GOLGA7B: variants seen among roughly 807,000 people sequenced by gnomAD.
GOLGA7B encodes golgin A7 family member B.
GOLGA7B carries 17 observed loss-of-function variants against 21.5 expected under a neutral mutation model. The ratio of observed to expected loss-of-function variants is 0.79; its 90% CI spans 0.54 to 1.19. GOLGA7B has a LOEUF of 1.19. Ranked by LOEUF, GOLGA7B falls within the 50% of genes most tolerant of loss-of-function variation. GOLGA7B has a pLI of 0.00. For missense variants in GOLGA7B, 169 were observed against 224.4 expected, an observed-to-expected ratio of 0.75 and a Z score of 1.58; for synonymous variants, 87 against 84.0, an observed-to-expected ratio of 1.04 and a Z score of -0.19.
chr10:97,864,615 A>G (rs2049999327), intron 4 of GOLGA7B, among the ~76,000 whole-genome samples: 1 of 152,192 alleles, frequency 6.6e-6, no homozygotes, highest in Non-Finnish European at 1.5e-5. Context: ...CAGCTGGTGA[A>G]TGTGGGAGCC....
intron 1 of GOLGA7B, among the ~76,000 whole-genome samples, chr10:97,855,862 G>A (rs1477591158): frequency 1.3e-5 from 2 of 152,226 alleles, no homozygotes; most frequent in East Asian, 3.9e-4. Context: ...ACTCATATAA[G>A]CCTACAGGAG....
In GOLGA7B at chr10:97,865,826, G is replaced by C; in HGVS notation, c.*126G>C. 2 of 778,966 alleles carry C rather than the reference G, an allele frequency of 2.6e-6. No individual in the cohort carries two copies. Among genetic ancestry groups the C allele is most frequent in the Non-Finnish European group, 3.7e-6 (2 of 537,780 alleles). The allele number at this position is 778,966 out of a possible 1,614,324, so 48.3% of individuals were successfully genotyped here. A position where few individuals can be genotyped will look rare whatever the true frequency, so the allele number is the denominator to read the frequency against. The stretch of plus-strand genomic sequence containing the variant: ...GGGCTCACCCTGCTGCCCGGGGTGG[G>C]AGGGAGGGTGACGGGCCTCATATTT... On this transcript the variant is annotated 3_prime_UTR_variant, in exon 5 of 5. Transcript: ENST00000370602.
intron 1 of GOLGA7B, among the ~76,000 whole-genome samples, chr10:97,856,448 A>G (rs1300398854): frequency 1.3e-5 from 2 of 152,218 alleles, no homozygotes; most frequent in African/African-American, 2.4e-5. Flanking sequence ...TCCATGGTGT[A>G]TATATACCAC....
Position 97,865,610 on chromosome 10 carries a change from G to A in GOLGA7B, c.414G>A (p.Glu138=). Residue 138 remains glutamate, a synonymous_variant, in exon 5 of 5, where the codon GAG becomes GAA. Transcript: ENST00000370602. ...CCCAGATTGAGATCTCCATCTACGAGGACCGGTGCAGCAGTGGCAGCTCCA... is the reference window on the plus strand; with the variant it reads ...CCCAGATTGAGATCTCCATCTACGAAGACCGGTGCAGCAGTGGCAGCTCCA... ...GMRVIEISIY[E]DRCSSGSSSS... is the part of the protein sequence containing the mutation. 1 of 1,613,618 alleles carries A rather than the reference G, an allele frequency of 6.2e-7. No homozygotes were observed. The highest frequency in any genetic ancestry group is 8.5e-7 in the Non-Finnish European group (1 of 1,179,640).
At position 97,850,035 on chromosome 10, in the gene GOLGA7B, G is replaced by A. The variant is rs1022530841; in HGVS notation, c.-269G>A. ...GCAGGAGCCGCGGCAGCGGGCGATC[G>A]GGCCGTGAGGAGCCTCGGGCGCGGC... is the stretch of plus-strand genomic sequence containing the variant. On this transcript the variant is annotated 5_prime_UTR_variant, in exon 1 of 5. Coordinates refer to ENST00000370602, the MANE Select transcript of GOLGA7B (RefSeq NM_001010917.3). 6.0e-5 allele frequency among the ~76,000 whole-genome samples: 9 copies of A among 150,020 alleles called. No individual in the cohort carries two copies. Among genetic ancestry groups the A allele is most frequent in the Non-Finnish European group, 1.2e-4 (8 of 67,188 alleles).
At chr10:97,859,065 T>C (rs1353008056) in intron 1 of GOLGA7B, among the ~76,000 whole-genome samples, 2 of 152,218 alleles carry the variant, frequency 1.3e-5, no homozygotes, top group Non-Finnish European at 2.9e-5. Context: ...TGTTAAAAAT[T>C]TTTTTAGAGT....
chr10:97,859,165 C>T (rs1393420293), intron 1 of GOLGA7B, among the ~76,000 whole-genome samples: 1 of 152,190 alleles, frequency 6.6e-6, no homozygotes, highest in Non-Finnish European at 1.5e-5. Flanking sequence ...GCAATGCTCC[C>T]ACCTCAGCCT....
intron 1 of GOLGA7B, among the ~76,000 whole-genome samples, chr10:97,858,024 C>T (rs1180985355): frequency 1.3e-5 from 2 of 152,152 alleles, no homozygotes; most frequent in Non-Finnish European, 2.9e-5. Flanking sequence ...ATCTGCAAAC[C>T]ACCTCCATTC....
rs942974913 is a variant in GOLGA7B, at chr10:97,871,182, A to T, written c.*5482A>T. On this transcript the variant is annotated 3_prime_UTR_variant, in exon 5 of 5. Coordinates refer to ENST00000370602, the MANE Select transcript of GOLGA7B (RefSeq NM_001010917.3). ...AGCTCACAACTCTTCCTCCAAGAGG[A>T]TGTTCAAAGGGCCTGTCATTTCAGC... 2 of 152,172 alleles carry T rather than the reference A, an allele frequency of 1.3e-5. No individual in the cohort carries two copies. Among genetic ancestry groups the T allele is most frequent in the Non-Finnish European group, 1.5e-5 (1 of 68,034 alleles). The allele number at this position is 152,172 out of a possible 1,614,324, so 9.4% of individuals were successfully genotyped here.
intron 1 of GOLGA7B, 61 bp from the exon 2 acceptor site, chr10:97,859,397 A>AT: frequency 6.4e-7 from 1 of 1,568,036 alleles, no homozygotes; most frequent in East Asian, 2.3e-5. Flanking sequence ...AAACCCCTGC[A>AT]TTTGGGATAT....
intron 4 of GOLGA7B, 44 bp from the exon 5 acceptor site, chr10:97,865,546 G>A: frequency 6.2e-7 from 1 of 1,605,374 alleles, no homozygotes; most frequent in Non-Finnish European, 8.5e-7. Flanking sequence ...TCCCACCCCT[G>A]CTCAGCAGCT....
At chr10:97,865,453 C>T in intron 4 of GOLGA7B, 137 bp from the exon 5 acceptor site, 1 of 1,461,282 alleles carries the variant, frequency 6.8e-7, no homozygotes, top group Non-Finnish European at 9.2e-7. Flanking sequence ...GTCTAGCTCC[C>T]AGGCCTTTAC....
At position 97,870,975 on chromosome 10, in the gene GOLGA7B, T is replaced by C. The variant is rs964511639; in HGVS notation, c.*5275T>C. ...AACCCCCTAAAAAGGTTAAGAACAA[T>C]TGGTTTTGAGGAGTCAGTAAGAAAC... On this transcript the variant is annotated 3_prime_UTR_variant, in exon 5 of 5. Transcript: ENST00000370602. The C allele has an allele frequency of 2.0e-5, 3 of 152,196 alleles. No homozygotes were observed. The highest frequency in any genetic ancestry group is 6.5e-5 in the Admixed American group (1 of 15,284). The allele number at this position is 152,196 out of a possible 1,614,324, so 9.4% of individuals were successfully genotyped here.
At chr10:97,859,356 G>T (rs1345491023) in intron 1 of GOLGA7B, 102 bp from the exon 2 acceptor site, 21 of 1,191,830 alleles carry the variant, frequency 1.8e-5, no homozygotes, top group Non-Finnish European at 1.7e-5. Context: ...GAACTTTCCT[G>T]GTGTTAGTGC....
At chr10:97,861,982 A>C (rs923598621) in intron 2 of GOLGA7B, among the ~76,000 whole-genome samples, 5 of 152,212 alleles carry the variant, frequency 3.3e-5, no homozygotes, top group African/African-American at 1.2e-4. Flanking sequence ...GGAGGTCCCT[A>C]AACTGTGTGA....
Position 97,863,962 on chromosome 10 carries a change from G to A in GOLGA7B, c.171G>A (p.Lys57=). 6 of 1,614,060 alleles carry A rather than the reference G, an allele frequency of 3.7e-6. No homozygotes were observed. Among genetic ancestry groups the A allele is most frequent in the African/African-American group, 1.3e-5 (1 of 75,066 alleles). The change falls in exon 3 of 5, where the codon AAG becomes AAA. Residue 57 remains lysine, a synonymous_variant. Transcript: ENST00000370602. ...GGCAGCTCTTTGAAGAGACTGTGAA[G>A]ACCCTCAACGGATTTTACGCAGAGG... ...IERQLFEETV[K]TLNGFYAEAE... is the part of the protein sequence containing the mutation.
chr10:97,850,288 CGAGCGCCCCCG>C lies in GOLGA7B; in HGVS notation c.-13_-3del. ...CCTCGCCCGGCCCCGCGACAGCCTC[CGAGCGCCCCCG>C]GATCATGGCCACCGAGGTAGGGGCG... is the stretch of plus-strand genomic sequence containing the variant. On this transcript the variant is annotated 5_prime_UTR_variant, in exon 1 of 5. Transcript: ENST00000370602. 6.7e-7 allele frequency: 1 copy of C among 1,498,664 alleles called. No individual in the cohort carries two copies. The highest frequency in any genetic ancestry group is 1.4e-5 in the African/African-American group (1 of 69,254). The allele number at this position is 1,498,664 out of a possible 1,614,324, so 92.8% of individuals were successfully genotyped here.
At position 97,867,713 on chromosome 10, in the gene GOLGA7B, T is replaced by C. The variant is rs1414626900; in HGVS notation, c.*2013T>C. The C allele has an allele frequency of 2.0e-5, 3 of 152,138 alleles. No individual in the cohort carries two copies. The highest frequency in any genetic ancestry group is 4.4e-5 in the Non-Finnish European group (3 of 68,014). 9.4% of individuals were successfully genotyped at this position (152,138 alleles called of 1,614,324 possible). ...GCAGTGCTATGGCCTTTTTTTTTTTTTTCTTTTTCCAATAAAAGAACTTGC... is the reference window on the plus strand; with the variant it reads ...GCAGTGCTATGGCCTTTTTTTTTTTCTTCTTTTTCCAATAAAAGAACTTGC... On this transcript the variant is annotated 3_prime_UTR_variant, in exon 5 of 5. Coordinates refer to ENST00000370602, the MANE Select transcript of GOLGA7B (RefSeq NM_001010917.3).
At chr10:97,864,604 G>T (rs910077306) in intron 4 of GOLGA7B, among the ~76,000 whole-genome samples, 2 of 152,206 alleles carry the variant, frequency 1.3e-5, no homozygotes, top group African/African-American at 4.8e-5. Context: ...TTAGAGTCGT[G>T]CAGCTGGTGA....
Sources: allele counts gnomAD v4.1 joint callset (sites outside exome capture counted in the v4.1 genomes callset), GRCh38; gene constraint gnomAD v4.1.1; transcripts MANE v1.5; gene names NCBI Gene and HGNC (gene_info 2026-07-23, HGNC 2026-07-21).